Variants in IQUB observed in about 807,000 individuals in gnomAD.
The protein encoded by IQUB is IQ motif and ubiquitin domain containing.
IQUB carries 86 observed loss-of-function variants against 86.4 expected under a neutral mutation model. The observed-to-expected ratio is 1.00, with a 90% CI of 0.84 to 1.19. The LOEUF (loss-of-function observed/expected upper bound fraction) is 1.19, where lower values mean the gene tolerates loss of function less well. Among genes scored for constraint, IQUB ranks in the 50% most tolerant of loss-of-function variants. The probability of loss-of-function intolerance (pLI) is 0.00; values close to 1 mark genes in which losing one functional copy is unlikely to be tolerated. For missense variants in IQUB, 946 were observed against 916.9 expected, an observed-to-expected ratio of 1.03 and a Z score of -0.41; for synonymous variants, 289 against 304.5, an observed-to-expected ratio of 0.95 and a Z score of 0.53.
intron 8 of IQUB, among the ~76,000 whole-genome samples, chr7:123,471,983 AT>A (rs1794542534): frequency 6.6e-6 from 1 of 152,146 alleles, no homozygotes; most frequent in South Asian, 2.1e-4. Flanking sequence ...CACACCTGTA[AT>A]TTCAGCACTT....
chr7:123,516,076 C>G (rs1423023341), intron 1 of IQUB, among the ~76,000 whole-genome samples: 1 of 152,104 alleles, frequency 6.6e-6, no homozygotes, highest in East Asian at 1.9e-4. Flanking sequence ...TAGATTATCC[C>G]TTACTAGAAA....
chr7:123,505,543 C>T (rs1441581414), intron 3 of IQUB, among the ~76,000 whole-genome samples: 1 of 152,172 alleles, frequency 6.6e-6, no homozygotes, highest in Non-Finnish European at 1.5e-5. Flanking sequence ...ATATGGAAGC[C>T]ACCAAGGCTT....
intron 1 of IQUB, among the ~76,000 whole-genome samples, chr7:123,530,897 A>G (rs1393817556): frequency 6.6e-6 from 1 of 151,798 alleles, no homozygotes; most frequent in African/African-American, 2.4e-5. Flanking sequence ...GGCTGGTCTC[A>G]AACTCCTGAC....
chr7:123,530,672 A>ATTTTTTT (rs377272603), intron 1 of IQUB, among the ~76,000 whole-genome samples: 26 of 99,434 alleles, frequency 2.6e-4, no homozygotes, highest in East Asian at 3.0e-4. Context: ...TTGCTCTTTG[A>ATTTTTTT]TTTTTTTTTT....
intron 8 of IQUB, 107 bp downstream of exon 8, chr7:123,479,688 A>G (rs1177126215): frequency 3.7e-6 from 3 of 817,570 alleles, no homozygotes; most frequent in Non-Finnish European, 5.7e-6. Flanking sequence ...AAAATCCTAA[A>G]CAAAATTCAT....
At chr7:123,470,020 A>G (rs113417201) in intron 8 of IQUB, among the ~76,000 whole-genome samples, 2,743 of 152,146 alleles carry the variant, frequency 0.018, 87 homozygotes, top group African/African-American at 0.064. Flanking sequence ...GTGCCTCCCA[A>G]CCTAGCCCAC....
rs774602835 is a variant in IQUB, at chr7:123,479,762, C to T, written c.1410+33G>A. ...ATTCTACATTTTTTAACTCAGAATA[C>T]ATTCATATTTAAATAGTAGTCACTT... is the stretch of plus-strand genomic sequence containing the variant. On this transcript the variant is annotated intron_variant, in intron 8 of 12. Transcript: ENST00000324698. 20 of 1,482,766 alleles carry T rather than the reference C, an allele frequency of 1.3e-5. No individual in the cohort carries two copies. The Admixed American group carries it at 2.4e-4, about 18-fold the overall frequency. The allele number at this position is 1,482,766 out of a possible 1,614,324, so 91.9% of individuals were successfully genotyped here.
intron 3 of IQUB, among the ~76,000 whole-genome samples, chr7:123,504,430 C>T (rs919541808): frequency 2.0e-5 from 3 of 152,014 alleles, no homozygotes; most frequent in African/African-American, 4.8e-5. Context: ...GCCTGAACGA[C>T]GGAGCAAAAC....
At chr7:123,457,764 G>A (rs764136843) in intron 11 of IQUB, among the ~76,000 whole-genome samples, 198 bp from the exon 12 acceptor site, 46 of 151,770 alleles carry the variant, frequency 3.0e-4, no homozygotes, top group Non-Finnish European at 5.7e-4. Flanking sequence ...TCACAGTTGC[G>A]TCCCCATCTC....
At chr7:123,509,869 T>C (rs1796341054) in intron 3 of IQUB, 32 bp downstream of exon 3, 2 of 1,561,760 alleles carry the variant, frequency 1.3e-6, no homozygotes, top group Admixed American at 2.0e-5. Context: ...ACTAGAAAAG[T>C]CTTGATATGT....
intron 1 of IQUB, among the ~76,000 whole-genome samples, chr7:123,528,205 G>A (rs1180432409): frequency 3.9e-5 from 6 of 152,178 alleles, no homozygotes; most frequent in African/African-American, 1.4e-4. Flanking sequence ...ACTGACCTGC[G>A]CCCACTGTCT....
At chr7:123,515,468 C>A (rs779689488) in intron 1 of IQUB, among the ~76,000 whole-genome samples, 1 of 152,066 alleles carries the variant, frequency 6.6e-6, no homozygotes, top group African/African-American at 2.4e-5. Context: ...AGACACTTCA[C>A]CAAAGAATAC....
intron 1 of IQUB, among the ~76,000 whole-genome samples, chr7:123,521,460 T>C (rs1796898277): frequency 6.6e-6 from 1 of 152,032 alleles, no homozygotes; most frequent in Non-Finnish European, 1.5e-5. Flanking sequence ...CTGGGCAACA[T>C]AGTGAGACCC....
chr7:123,512,684 TGATG>T (rs1186771032), intron 1 of IQUB, among the ~76,000 whole-genome samples: 10 of 152,194 alleles, frequency 6.6e-5, no homozygotes, highest in African/African-American at 2.4e-4. Context: ...AATACGAAAC[TGATG>T]GATGCTTCTA....
intron 9 of IQUB, among the ~76,000 whole-genome samples, chr7:123,468,722 C>G (rs1156394849): frequency 1.3e-5 from 2 of 152,206 alleles, no homozygotes; most frequent in African/African-American, 4.8e-5. Context: ...CCTGATAGCA[C>G]TCTCCAACAA....
At chr7:123,454,084 T>C (rs2116925074) in intron 12 of IQUB, among the ~76,000 whole-genome samples, 1 of 152,146 alleles carries the variant, frequency 6.6e-6, no homozygotes, top group Non-Finnish European at 1.5e-5. Context: ...CAGAAAACAT[T>C]ATATAGGAGT....
At chr7:123,477,792 G>C (rs566885957) in intron 8 of IQUB, among the ~76,000 whole-genome samples, 1 of 152,152 alleles carries the variant, frequency 6.6e-6, no homozygotes, top group Non-Finnish European at 1.5e-5. Context: ...GATATGAAGA[G>C]ACATTTCTCA....
chr7:123,497,284 A>G (rs1283189847), intron 6 of IQUB, among the ~76,000 whole-genome samples: 2 of 152,174 alleles, frequency 1.3e-5, no homozygotes, highest in Non-Finnish European at 2.9e-5. Context: ...GTATACATAT[A>G]AAGTGCTTAA....
At chr7:123,499,528 G>A (rs1336605675) in intron 6 of IQUB, among the ~76,000 whole-genome samples, 1 of 152,080 alleles carries the variant, frequency 6.6e-6, no homozygotes, top group African/African-American at 2.4e-5. Context: ...CTCGGAAAGG[G>A]TACATCACCA....
Sources: allele counts gnomAD v4.1 joint callset (sites outside exome capture counted in the v4.1 genomes callset), GRCh38; gene constraint gnomAD v4.1.1; transcripts MANE v1.5; gene names NCBI Gene and HGNC (gene_info 2026-07-23, HGNC 2026-07-21).